Variants in ATXN10 observed in about 807,000 individuals in gnomAD.
ATXN10 encodes ataxin 10, also known as ataxin-10.
A neutral mutation model predicts 52.9 loss-of-function variants in ATXN10; 28 were observed. The ratio of observed to expected loss-of-function variants is 0.53; its 90% confidence interval spans 0.39 to 0.73. ATXN10 has a LOEUF of 0.73. Ranked by LOEUF, ATXN10 falls within the 30% of genes least tolerant of loss-of-function variation. The pLI, the probability that ATXN10 is intolerant of heterozygous loss-of-function variation, is 0.00. For missense variants in ATXN10, 565 were observed against 577.0 expected (o/e 0.98, Z 0.21); for synonymous variants, 226 against 221.5 (o/e 1.02, Z -0.18).
intron 9 of ATXN10, among the ~76,000 whole-genome samples, chr22:45,740,978 T>C (rs1925511526): frequency 6.6e-6 from 1 of 152,122 alleles, no homozygotes; most frequent in African/African-American, 2.4e-5. Flanking sequence ...ATGAAGTCTT[T>C]GAGGACCTAG....
At chr22:45,747,978 C>T (rs144778582) in intron 9 of ATXN10, among the ~76,000 whole-genome samples, 17 of 151,382 alleles carry the variant, frequency 1.1e-4, no homozygotes, top group Non-Finnish European at 2.1e-4. Flanking sequence ...GCAGGAGGAT[C>T]GCTTGAGCCC....
At position 45,792,920 on chromosome 22, in the gene ATXN10, A is replaced by G. The variant is rs1439412665; in HGVS notation, c.1174-14039A>G. The G allele has an allele frequency of 3.9e-5, 16 of 412,762 alleles. 1 individual carries two copies. In the East Asian group the frequency reaches 9.2e-4, roughly 24 times the overall value. 25.6% of individuals were successfully genotyped at this position (412,762 alleles called of 1,614,324 possible). A position where few individuals can be genotyped will look rare whatever the true frequency, so the allele number is the denominator to read the frequency against. ...CATTGGCTGTTATACCTACATAGGG[A>G]GCCACATGAAGATCATAGATAAGGT... On this transcript the variant is annotated intron_variant, in intron 9 of 11. Transcript: ENST00000252934.
chr22:45,802,224 A>G (rs1927953455), intron 9 of ATXN10, among the ~76,000 whole-genome samples: 1 of 152,220 alleles, frequency 6.6e-6, no homozygotes, highest in Non-Finnish European at 1.5e-5. Context: ...GAAAGTGTTG[A>G]CTGAGCTTGG....
In ATXN10 at chr22:45,823,733, G is replaced by T. The variant is rs764377462; in HGVS notation, c.1237+16711G>T. ...TATCATTATGTTCATGGATTTATTC[G>T]GCAGGTGTTTATTGAGTAGCTGGCA... On this transcript the variant is annotated intron_variant, in intron 10 of 11. Transcript: ENST00000252934. This position sits in a 1 kb window ranked among gnomAD's most constrained non-coding sequence, Gnocchi z 4.9. Among the ~76,000 whole-genome samples, 1 of 152,102 alleles carries T rather than the reference G, an allele frequency of 6.6e-6. No individual in the cohort carries two copies. The highest frequency in any genetic ancestry group is 1.5e-5 in the Non-Finnish European group (1 of 68,026).
At chr22:45,829,515 T>C (rs1928922006) in intron 10 of ATXN10, among the ~76,000 whole-genome samples, 1 of 152,196 alleles carries the variant, frequency 6.6e-6, no homozygotes, top group African/African-American at 2.4e-5. Context: ...TTAAAACTCA[T>C]GTTTTAATGA....
In ATXN10 at chr22:45,754,972, G is replaced by A. The variant is rs953598725; in HGVS notation, c.1173+14434G>A. 6.6e-6 allele frequency among the ~76,000 whole-genome samples: 1 copy of A among 152,216 alleles called. No individual in the cohort carries two copies. Among genetic ancestry groups the A allele is most frequent in the Admixed American group, 6.5e-5 (1 of 15,292 alleles). ...TGTTCCTTCTCTGCCTGTGAGCTGCGAGACCGTCCCTCAACACACAGGACT... is the reference window on the plus strand; with the variant it reads ...TGTTCCTTCTCTGCCTGTGAGCTGCAAGACCGTCCCTCAACACACAGGACT... On this transcript the variant is annotated intron_variant, in intron 9 of 11. Coordinates refer to ENST00000252934, the MANE Select transcript of ATXN10 (RefSeq NM_013236.4). The surrounding 1 kb of genome is among the most constrained non-coding windows in gnomAD (Gnocchi z 5.4).
chr22:45,778,504 G>T (rs545712347), intron 9 of ATXN10, among the ~76,000 whole-genome samples: 1 of 152,322 alleles, frequency 6.6e-6, no homozygotes, highest in South Asian at 2.1e-4. Context: ...TAACTATAGG[G>T]TTGTTAATGT....
intron 7 of ATXN10, among the ~76,000 whole-genome samples, chr22:45,730,761 T>C (rs1453812627): frequency 2.0e-5 from 3 of 152,224 alleles, no homozygotes; most frequent in African/African-American, 7.2e-5. Context: ...TTTCTACTTA[T>C]TTTAGATAAT....
intron 9 of ATXN10, among the ~76,000 whole-genome samples, chr22:45,794,904 C>G (rs1474213403): frequency 6.6e-6 from 1 of 152,094 alleles, no homozygotes; most frequent in Non-Finnish European, 1.5e-5. Flanking sequence ...GAAAAGATTT[C>G]TATTCTCACT....
chr22:45,758,104 TG>T (rs1322012945), intron 9 of ATXN10, among the ~76,000 whole-genome samples: 2 of 152,244 alleles, frequency 1.3e-5, no homozygotes, highest in African/African-American at 2.4e-5. Flanking sequence ...CACCTGGTGC[TG>T]CCTCCACACC....
intron 10 of ATXN10, among the ~76,000 whole-genome samples, chr22:45,836,694 T>C (rs1929179087): frequency 6.6e-6 from 1 of 152,260 alleles, no homozygotes; most frequent in Non-Finnish European, 1.5e-5. Flanking sequence ...CTTCTTTGGC[T>C]GACAGAAATT....
rs115180213 is a variant in ATXN10 at position 45,789,673 on chromosome 22, G to A, written c.1174-17286G>A. Among the ~76,000 whole-genome samples the A allele has an allele frequency of 8.7e-3, 1,320 of 152,210 alleles. 28 individuals are homozygous for A. Among genetic ancestry groups the A allele is most frequent in the African/African-American group, 0.03 (1,246 of 41,524 alleles). ...CTTCTAACCCATCCAGCCCCTTTGT[G>A]GTGGTGGTGGTGGTGCACTGATGTG... On this transcript the variant is annotated intron_variant, in intron 9 of 11. Coordinates refer to ENST00000252934, the MANE Select transcript of ATXN10 (RefSeq NM_013236.4). The surrounding 1 kb of genome is among the most constrained non-coding windows in gnomAD (Gnocchi z 4.0).
At chr22:45,764,396 T>G (rs1601631894) in intron 9 of ATXN10, among the ~76,000 whole-genome samples, 1 of 152,246 alleles carries the variant, frequency 6.6e-6, no homozygotes, top group East Asian at 1.9e-4. Context: ...TATAAAATGT[T>G]TACAACTCCC....
intron 10 of ATXN10, among the ~76,000 whole-genome samples, chr22:45,810,535 A>G (rs866487268): frequency 1.3e-5 from 2 of 152,278 alleles, no homozygotes; most frequent in Admixed American, 1.3e-4. Context: ...AAGCCCCCAC[A>G]TACTGAGTTA....
rs1217759484 is a variant in ATXN10 at position 45,820,744 on chromosome 22, C to CTAA, written c.1237+13723_1237+13724insAAT. 4.6e-5 allele frequency among the ~76,000 whole-genome samples: 7 copies of CTAA among 152,200 alleles called. No individual in the cohort carries two copies. Among genetic ancestry groups the CTAA allele is most frequent in the Admixed American group, 4.6e-4 (7 of 15,290 alleles). On this transcript the variant is annotated intron_variant, in intron 10 of 11. Transcript: ENST00000252934. This position sits in a 1 kb window ranked among gnomAD's most constrained non-coding sequence, Gnocchi z 4.9. The stretch of plus-strand genomic sequence containing the variant: ...CCGCAGGCATTGCCAGGGTGGTTTG[C>CTAA]TTACCCCGGCCATCCCAACAATGGT...
In ATXN10 at chr22:45,715,630, T is replaced by C. The variant is rs1601603254; in HGVS notation, c.648-2783T>C. 6.6e-6 allele frequency among the ~76,000 whole-genome samples: 1 copy of C among 152,206 alleles called. No individual in the cohort carries two copies. The highest frequency in any genetic ancestry group is 2.1e-4 in the South Asian group (1 of 4,826). On this transcript the variant is annotated intron_variant, in intron 5 of 11. Transcript: ENST00000252934. The surrounding 1 kb of genome is among the most constrained non-coding windows in gnomAD (Gnocchi z 4.4). ...AGTGTGGCCCAGGGAAGCCAAAAGA[T>C]TGGACACCGCTGATACAGATGATCT...
chr22:45,831,768 C>T (rs889971622), intron 10 of ATXN10, among the ~76,000 whole-genome samples: 9 of 152,160 alleles, frequency 5.9e-5, no homozygotes, highest in Non-Finnish European at 1.0e-4. Flanking sequence ...TCTGTACTAT[C>T]GTTTGACATA....
At chr22:45,806,149 C>A (rs1225259143) in intron 9 of ATXN10, among the ~76,000 whole-genome samples, 1 of 152,220 alleles carries the variant, frequency 6.6e-6, no homozygotes, top group Non-Finnish European at 1.5e-5. Flanking sequence ...AGTTCCCTTT[C>A]ATGGGAGTTG....
chr22:45,815,366 A>G (rs1928424782), intron 10 of ATXN10, among the ~76,000 whole-genome samples: 1 of 152,136 alleles, frequency 6.6e-6, no homozygotes. Context: ...AGGATGCTGG[A>G]CATGTTTTCA....
Sources: gnomAD v4.1 joint callset for allele counts (sites outside exome capture counted in the v4.1 genomes callset) on GRCh38, gnomAD v4.1.1 for gene constraint, Gnocchi (gnomAD v3.1) non-coding constraint, MANE v1.5 for transcripts, NCBI Gene and HGNC (gene_info 2026-07-23, HGNC 2026-07-21) for gene names.